The following EPHB4 variants were observed in gnomAD, a reference collection of about 807,000 sequenced individuals.
The protein encoded by EPHB4 is ephrin type-B receptor 4.
In EPHB4, 50 loss-of-function variants were observed where a neutral mutation model predicts 110.6. The observed-to-expected ratio is 0.45, with a 90% CI of 0.36 to 0.57. The LOEUF is 0.57. Among genes scored for constraint, EPHB4 ranks in the 20% least tolerant of loss-of-function variants. The pLI is 0.00. For synonymous variants in EPHB4, 592 were observed against 578.4 expected (o/e 1.02, Z -0.34); for missense variants, 1,128 against 1,382.1 (o/e 0.82, Z 2.91).
Position 100,824,036 on chromosome 7 carries a change from G to T in EPHB4, c.124-105C>A. ...GAGGGACTGAGAAAGGGGGGCTGCT[G>T]GTACTGCGAGGAGGGCGCCTCTGAG... On this transcript the variant is annotated intron_variant, in intron 2 of 16. Transcript: ENST00000358173. 2.6e-6 allele frequency: 4 copies of T among 1,510,656 alleles called. No individual in the cohort carries two copies. In the South Asian group the frequency reaches 5.0e-5, roughly 19 times the overall value. The allele number at this position is 1,510,656 out of a possible 1,614,324, so 93.6% of individuals were successfully genotyped here.
intron 4 of EPHB4, chr7:100,821,333 TA>T (rs776891821): frequency 1.3e-5 from 2 of 151,846 alleles, no homozygotes; most frequent in South Asian, 2.1e-4. Context: ...GATAATTATC[TA>T]AAAAGTTTTT....
At chr7:100,821,368 ACCTGTAAT>A (rs1382314276) in intron 4 of EPHB4, 8 of 151,350 alleles carry the variant, frequency 5.3e-5, no homozygotes, top group African/African-American at 1.9e-4. Flanking sequence ...GGTGGCTCAC[ACCTGTAAT>A]CCCAGCACTT....
At chr7:100,815,111 G>C (rs1813035229) in intron 8 of EPHB4, among the ~76,000 whole-genome samples, 1 of 151,990 alleles carries the variant, frequency 6.6e-6, no homozygotes, top group Non-Finnish European at 1.5e-5. Flanking sequence ...CTGAGCTCAG[G>C]AGTTCGAGAC....
intron 7 of EPHB4, among the ~76,000 whole-genome samples, chr7:100,818,227 C>A (rs1450082365): frequency 6.6e-6 from 1 of 151,988 alleles, no homozygotes; most frequent in Non-Finnish European, 1.5e-5. Flanking sequence ...TCTCAAACTC[C>A]TAGGCTCAAG....
intron 12 of EPHB4, among the ~76,000 whole-genome samples, chr7:100,808,711 A>G (rs774084868): frequency 1.3e-5 from 2 of 152,202 alleles, no homozygotes; most frequent in Admixed American, 6.5e-5. Flanking sequence ...AGGGAAACCA[A>G]CAAGTCACAG....
At position 100,805,498 on chromosome 7, in the gene EPHB4, C is replaced by T. The variant is rs1812799027; in HGVS notation, c.2678+3G>A. 19 of 1,523,208 alleles carry T rather than the reference C, an allele frequency of 1.2e-5. 1 individual carries two copies. Among genetic ancestry groups the T allele is most frequent in the Admixed American group, 2.2e-5 (1 of 46,438 alleles). 94.4% of individuals were successfully genotyped at this position (1,523,208 alleles called of 1,614,324 possible). On this transcript the variant is annotated splice_donor_region_variant and intron_variant, in intron 15 of 16. Coordinates refer to ENST00000358173, the MANE Select transcript of EPHB4 (RefSeq NM_004444.5). ...AGGAGGGCCCATTCTCTGCAGTCCT[C>T]ACCCGCCATTCTCCCGGGCCACGAT...
chr7:100,813,061 G>A (rs201630645), intron 11 of EPHB4, 34 bp downstream of exon 11: 14 of 1,612,926 alleles, frequency 8.7e-6, no homozygotes, highest in Middle Eastern at 1.7e-4. Flanking sequence ...CCCCCGCTTC[G>A]TTCCCAGGTG....
chr7:100,806,200 T>C (rs1023909109), intron 14 of EPHB4: 4 of 415,620 alleles, frequency 9.6e-6, no homozygotes, highest in Non-Finnish European at 1.7e-5. Flanking sequence ...CCTTAGGTGA[T>C]CTGCCCACCT....
At chr7:100,815,912 C>T (rs1025663214) in intron 8 of EPHB4, among the ~76,000 whole-genome samples, 1 of 152,028 alleles carries the variant, frequency 6.6e-6, no homozygotes, top group Non-Finnish European at 1.5e-5. Context: ...TGGTTGAGCT[C>T]GGGAGTTGTA....
intron 1 of EPHB4, chr7:100,826,774 T>C: frequency 1.9e-6 from 1 of 537,488 alleles, no homozygotes; most frequent in South Asian, 3.1e-5. Context: ...ACTCCATCTC[T>C]TTCCCAAACA....
intron 1 of EPHB4, chr7:100,825,265 C>G (rs1235180731): frequency 1.3e-5 from 2 of 152,130 alleles, no homozygotes; most frequent in Non-Finnish European, 2.9e-5. Context: ...GGGAAGCCAG[C>G]CAGCCTGAGG....
intron 12 of EPHB4, among the ~76,000 whole-genome samples, chr7:100,809,094 C>A (rs1043058229): frequency 3.3e-5 from 5 of 152,064 alleles, no homozygotes; most frequent in Non-Finnish European, 7.4e-5. Context: ...TAGCACCCAG[C>A]AAAGAGGTCT....
chr7:100,813,743 G>A, intron 9 of EPHB4, 27 bp from the exon 10 acceptor site: 1 of 1,614,046 alleles, frequency 6.2e-7, no homozygotes, highest in Non-Finnish European at 8.5e-7. Flanking sequence ...AGGAACAAAA[G>A]GTAAACTGAG....
intron 8 of EPHB4, among the ~76,000 whole-genome samples, chr7:100,816,886 A>G (rs2116442575): frequency 6.6e-6 from 1 of 152,166 alleles, no homozygotes; most frequent in South Asian, 2.1e-4. Context: ...GTTCGAGACC[A>G]GCCTGGCCAA....
chr7:100,817,310 G>C lies in EPHB4; in HGVS notation c.1470C>G (p.Asn490Lys), dbSNP rs752430673. ...GCTTCAGCCCCCGCAGCTCTGCCCGGTTTTCTGACGTCTTCAGGAACCGCA... is the reference window on the plus strand; with the variant it reads ...GCTTCAGCCCCCGCAGCTCTGCCCGCTTTTCTGACGTCTTCAGGAACCGCA... Reference protein sequence around the residue: ...SSVRFLKTSENRAELRGLKRG... With the variant: ...SSVRFLKTSEKRAELRGLKRG... Residue 490 changes from asparagine to lysine, a missense_variant, in exon 8 of 17, where the codon AAC (asparagine) becomes AAG (lysine). Around this residue, in one of 3 missense-constraint regions of EPHB4, gnomAD observed 728 missense variants for 828.6 expected, o/e 0.88. Transcript: ENST00000358173. 2 of 1,590,472 alleles carry C rather than the reference G, an allele frequency of 1.3e-6. No individual in the cohort carries two copies. Among genetic ancestry groups the C allele is most frequent in the Admixed American group, 3.5e-5 (2 of 57,226 alleles).
chr7:100,823,986 G>C, intron 2 of EPHB4, 55 bp from the exon 3 acceptor site: 2 of 1,526,432 alleles, frequency 1.3e-6, no homozygotes, highest in South Asian at 2.5e-5. Context: ...GGAGAGGGCT[G>C]CATGGGGTGA....
rs1010329048 is a variant in EPHB4, at chr7:100,826,989, T to C, written c.42A>G (p.Ala14=). The change falls in exon 1 of 17, where the codon GCA becomes GCG. Residue 14 remains alanine, a synonymous_variant. Transcript: ENST00000358173. Reference sequence around the variant, plus strand: ...CGCAAGGAAACTCACCTTCCAAAGCTGCGGCCAACGAAGCCCAGCAGAGCA... The same window carrying C: ...CGCAAGGAAACTCACCTTCCAAAGCCGCGGCCAACGAAGCCCAGCAGAGCA... ...RVLLCWASLA[A]ALEETLLNTK... The C allele has an allele frequency of 3.8e-6, 6 of 1,565,192 alleles. No homozygotes were observed. The African/African-American group carries it at 5.5e-5, about 14-fold the overall frequency.
intron 7 of EPHB4, among the ~76,000 whole-genome samples, chr7:100,817,989 C>G (rs890344242): frequency 1.3e-5 from 2 of 151,048 alleles, no homozygotes; most frequent in African/African-American, 4.9e-5. Context: ...GCCTCAGCCT[C>G]CCGAGTAGCT....
At chr7:100,813,306 GTTTTTTT>G (rs750195537) in intron 10 of EPHB4, 98 bp from the exon 11 acceptor site, 12 of 385,592 alleles carry the variant, frequency 3.1e-5, no homozygotes, top group East Asian at 1.1e-4. Flanking sequence ...TGTCTCCGTG[GTTTTTTT>G]TTTTTTTTTT....
Sources: allele counts gnomAD v4.1 joint callset (sites outside exome capture counted in the v4.1 genomes callset), GRCh38; gene constraint gnomAD v4.1.1; regional missense constraint gnomAD v4.1.1; transcripts MANE v1.5; gene names NCBI Gene and HGNC (gene_info 2026-07-23, HGNC 2026-07-21).